PLAC1: variants seen among roughly 807,000 people sequenced by gnomAD.
PLAC1 encodes placenta-specific protein 1.
For synonymous variants in PLAC1, 68 were observed against 62.1 expected (o/e 1.09, Z -0.44); for missense variants, 136 against 163.2 (o/e 0.83, Z 0.91).
At chrX:134,671,813 G>T (rs1456552613) in intron 2 of PLAC1, among the ~76,000 whole-genome samples, 1 of 111,912 alleles carries the variant, frequency 8.9e-6, no homozygotes, top group Non-Finnish European at 1.9e-5. Flanking sequence ...AAAAATTGTT[G>T]TAAGTTGCAT....
intron 2 of PLAC1, among the ~76,000 whole-genome samples, chrX:134,571,777 C>T (rs2077909405): frequency 9.0e-6 from 1 of 111,443 alleles, no homozygotes; most frequent in African/African-American, 3.3e-5. Flanking sequence ...GCCTCCCCAT[C>T]TCCTCTGATG....
At chrX:134,673,180 G>A (rs1015122081) in intron 2 of PLAC1, among the ~76,000 whole-genome samples, 1 of 109,248 alleles carries the variant, frequency 9.2e-6, no homozygotes, top group Non-Finnish European at 1.9e-5. Context: ...AGGAAGACAG[G>A]GGAGGAGAGA....
intron 2 of PLAC1, among the ~76,000 whole-genome samples, chrX:134,665,858 G>C (rs2078435035): frequency 9.0e-6 from 1 of 111,064 alleles, no homozygotes; most frequent in South Asian, 3.9e-4. Flanking sequence ...CCTTTTAGAG[G>C]AGTCTTCTGG....
intron 2 of PLAC1, among the ~76,000 whole-genome samples, chrX:134,690,760 C>T (rs1455295023): frequency 6.7e-5 from 7 of 104,712 alleles, no homozygotes; most frequent in Middle Eastern, 4.8e-3. Context: ...GGTGAAACCC[C>T]GTCTCTACTA....
chrX:134,698,189 C>G (rs1272331156), intron 2 of PLAC1, among the ~76,000 whole-genome samples: 1 of 111,512 alleles, frequency 9.0e-6, no homozygotes, highest in East Asian at 2.8e-4. Context: ...CAGTGGCTCA[C>G]ACCTGTAATC....
rs947167697 is a variant in PLAC1, at chrX:134,742,487, C to T, written n.90-8968G>A. Reference sequence around the variant, plus strand: ...CCTGTAGTCCCAGCTACTTGGGAAACTGAGGCAGGCGAATCACTTGAACCC... The same window carrying T: ...CCTGTAGTCCCAGCTACTTGGGAAATTGAGGCAGGCGAATCACTTGAACCC... On this transcript the variant is annotated intron_variant and non_coding_transcript_variant, in intron 1 of 2. Coordinates refer to the PLAC1 transcript ENST00000466797. Among the ~76,000 whole-genome samples, 4 of 111,634 alleles carry T rather than the reference C, an allele frequency of 3.6e-5. No homozygotes were observed. In the Admixed American group the frequency reaches 3.8e-4, roughly 11 times the overall value.
chrX:134,750,573 T>A (rs1406712203), intron 1 of PLAC1, among the ~76,000 whole-genome samples: 1 of 106,874 alleles, frequency 9.4e-6, no homozygotes, highest in Non-Finnish European at 1.9e-5. Context: ...ATTCATCTCT[T>A]CCCATTTTCT....
intron 1 of PLAC1, among the ~76,000 whole-genome samples, chrX:134,734,270 T>C (rs2078697001): frequency 8.8e-6 from 1 of 113,106 alleles, no homozygotes; most frequent in Admixed American, 9.3e-5. Context: ...CTTAGCCTGT[T>C]GTCCTCAGTC....
intron 2 of PLAC1, among the ~76,000 whole-genome samples, chrX:134,732,197 C>T (rs2078690795): frequency 9.0e-6 from 1 of 111,358 alleles, no homozygotes; most frequent in Non-Finnish European, 1.9e-5. Flanking sequence ...TCCAGATTTC[C>T]TAAAGCTCCA....
At chrX:134,705,105 A>T (rs1449337416) in intron 2 of PLAC1, among the ~76,000 whole-genome samples, 1 of 103,904 alleles carries the variant, frequency 9.6e-6, no homozygotes, top group Non-Finnish European at 1.9e-5. Flanking sequence ...ATTGCAGATG[A>T]TATGATTGCC....
chrX:134,643,644 A>C (rs919587141), intron 1 of PLAC1, among the ~76,000 whole-genome samples: 6 of 111,969 alleles, frequency 5.4e-5, no homozygotes, highest in Admixed American at 9.5e-5. Context: ...TAATATGATC[A>C]TTTCAATAGA....
intron 1 of PLAC1, among the ~76,000 whole-genome samples, chrX:134,657,582 A>G (rs1428148971): frequency 8.9e-6 from 1 of 112,081 alleles, no homozygotes; most frequent in Non-Finnish European, 1.9e-5. Context: ...AGCTGCTGGG[A>G]TTAGAATGCA....
At chrX:134,648,063 C>T (rs1327176990) in intron 1 of PLAC1, among the ~76,000 whole-genome samples, 1 of 111,570 alleles carries the variant, frequency 9.0e-6, no homozygotes, top group Admixed American at 9.5e-5. Flanking sequence ...ACCCCTCACC[C>T]CCAGCACCCT....
intron 1 of PLAC1, among the ~76,000 whole-genome samples, chrX:134,648,372 T>C (rs899950110): frequency 8.9e-6 from 1 of 111,810 alleles, no homozygotes; most frequent in Non-Finnish European, 1.9e-5. Flanking sequence ...AGACCATCTA[T>C]ACCAATGCCT....
At chrX:134,735,173 T>G (rs1441358758) in intron 1 of PLAC1, among the ~76,000 whole-genome samples, 6 of 111,682 alleles carry the variant, frequency 5.4e-5, no homozygotes, top group Non-Finnish European at 1.1e-4. Flanking sequence ...CTCAGGAACC[T>G]GCCTAGTGCC....
chrX:134,621,218 G>A (rs188636507), intron 1 of PLAC1, among the ~76,000 whole-genome samples: 66 of 110,370 alleles, frequency 6.0e-4, no homozygotes, highest in Admixed American at 2.1e-3. Flanking sequence ...GGCTGAGTCT[G>A]GCGGATCACT....
intron 2 of PLAC1, among the ~76,000 whole-genome samples, chrX:134,723,689 A>G (rs1458873700): frequency 1.8e-5 from 2 of 111,543 alleles, no homozygotes; most frequent in South Asian, 7.4e-4. Context: ...AAAATGTTAA[A>G]TGTTTAAAAA....
At chrX:134,633,736 T>C (rs1278482265) in intron 1 of PLAC1, among the ~76,000 whole-genome samples, 2 of 112,135 alleles carry the variant, frequency 1.8e-5, no homozygotes, top group African/African-American at 6.5e-5. Context: ...CTGTACTCCA[T>C]CCACATCCTG....
rs148182781 is a variant in PLAC1, at chrX:134,585,813, G to A, written c.-59+16238C>T. Among the ~76,000 whole-genome samples, 952 of 111,300 alleles carry A rather than the reference G, an allele frequency of 8.6e-3. 4 individuals carry two copies. Among genetic ancestry groups the A allele is most frequent in the Non-Finnish European group, 0.012 (660 of 52,993 alleles). ...GCCCCTGGGTTGAATTCTCCCTCTC[G>A]GTATAGGTTACCAGCTTATGCTTTG... On this transcript the variant is annotated intron_variant, in intron 2 of 2. Coordinates refer to ENST00000359237, the MANE Select transcript of PLAC1 (RefSeq NM_021796.4).
Sources: gnomAD v4.1 joint callset for allele counts (sites outside exome capture counted in the v4.1 genomes callset) on GRCh38, gnomAD v4.1.1 for gene constraint, MANE v1.5 for transcripts, NCBI Gene and HGNC (gene_info 2026-07-23, HGNC 2026-07-21) for gene names.